The following VAMP4 variants were observed in gnomAD, a reference collection of about 807,000 sequenced individuals.
VAMP4 encodes vesicle associated membrane protein 4, also known as vesicle-associated membrane protein 4.
In VAMP4, 19 loss-of-function variants were observed where a neutral mutation model predicts 23.5. That is an observed-to-expected ratio of 0.81 (90% CI 0.56 to 1.19). VAMP4 has a LOEUF of 1.19. Among genes scored for constraint, VAMP4 ranks in the 50% most tolerant of loss-of-function variants. The pLI, the probability that VAMP4 is intolerant of heterozygous loss-of-function variation, is 0.00. For synonymous variants in VAMP4, 31 were observed against 51.0 expected, an observed-to-expected ratio of 0.61 and a Z score of 1.67; for missense variants, 145 against 168.6, an observed-to-expected ratio of 0.86 and a Z score of 0.78.
intron 4 of VAMP4, among the ~76,000 whole-genome samples, chr1:171,713,466 G>A (rs1360605606): frequency 6.6e-6 from 1 of 152,082 alleles, no homozygotes; most frequent in Non-Finnish European, 1.5e-5. Context: ...CGCATTCAGG[G>A]TGGTATGGCC....
chr1:171,709,858 T>C, intron 5 of VAMP4, 114 bp from the exon 6 acceptor site: 1 of 806,318 alleles, frequency 1.2e-6, no homozygotes, highest in Admixed American at 2.1e-5. Context: ...TATTCCCTTT[T>C]AAGCATGAAA....
rs547204138 is a variant in VAMP4 at position 171,742,023 on chromosome 1, A to C, written c.-163T>G. 6.6e-6 allele frequency: 1 copy of C among 151,752 alleles called. No individual in the cohort carries two copies. Among genetic ancestry groups the C allele is most frequent in the Non-Finnish European group, 1.5e-5 (1 of 67,890 alleles). 9.4% of individuals were successfully genotyped at this position (151,752 alleles called of 1,614,324 possible). A position where few individuals can be genotyped will look rare whatever the true frequency, so the allele number is the denominator to read the frequency against. The stretch of plus-strand genomic sequence containing the variant: ...TGGGAGGGGGAGACAGTTGGTGCGG[A>C]CCCGGCGTCGGCCGCAGCGCCGCAG... On this transcript the variant is annotated 5_prime_UTR_variant, in exon 1 of 8. Transcript: ENST00000236192.
chr1:171,723,353 C>T (rs563235103), intron 3 of VAMP4, among the ~76,000 whole-genome samples: 10 of 152,224 alleles, frequency 6.6e-5, no homozygotes, highest in South Asian at 6.2e-4. Context: ...GGAATTTCCT[C>T]GTTCTAATAG....
intron 3 of VAMP4, among the ~76,000 whole-genome samples, chr1:171,722,014 G>C (rs6656003): frequency 0.17 from 26,217 of 152,084 alleles, 2,355 homozygotes; most frequent in Middle Eastern, 0.24. Context: ...ATACTACAAG[G>C]CTACAGTAAC....
intron 6 of VAMP4, among the ~76,000 whole-genome samples, chr1:171,709,374 A>G (rs1277760347): frequency 1.3e-5 from 2 of 152,168 alleles, no homozygotes; most frequent in African/African-American, 2.4e-5. Context: ...GAAAAAATGT[A>G]TATTTGTTTT....
chr1:171,732,721 C>T (rs1425256207), intron 2 of VAMP4, among the ~76,000 whole-genome samples: 1 of 152,014 alleles, frequency 6.6e-6, no homozygotes, highest in Non-Finnish European at 1.5e-5. Flanking sequence ...TATGAAATCA[C>T]AAAGATTGAA....
intron 6 of VAMP4, among the ~76,000 whole-genome samples, chr1:171,707,105 G>A (rs1219836885): frequency 6.6e-6 from 1 of 152,100 alleles, no homozygotes; most frequent in East Asian, 1.9e-4. Context: ...TGGCAGTATT[G>A]TATTCATGCA....
intron 2 of VAMP4, among the ~76,000 whole-genome samples, chr1:171,736,217 G>A (rs749768409): frequency 3.5e-4 from 53 of 152,168 alleles, no homozygotes; most frequent in Non-Finnish European, 4.4e-4. Flanking sequence ...AATCTTCAGT[G>A]TATGGAATTC....
At chr1:171,706,225 T>G (rs1654645736) in intron 7 of VAMP4, 142 bp downstream of exon 7, 8 of 633,048 alleles carry the variant, frequency 1.3e-5, no homozygotes, top group African/African-American at 1.9e-5. Flanking sequence ...GATCAATAGA[T>G]TCTAAGAGCT....
chr1:171,709,562 C>T, intron 6 of VAMP4, 103 bp downstream of exon 6: 2 of 1,016,556 alleles, frequency 2.0e-6, no homozygotes, highest in Non-Finnish European at 3.1e-6. Context: ...GTTATAGGCC[C>T]TGTTCTCACA....
chr1:171,728,221 T>C (rs531921441), intron 3 of VAMP4, among the ~76,000 whole-genome samples: 8 of 152,344 alleles, frequency 5.3e-5, no homozygotes, highest in African/African-American at 1.9e-4. Flanking sequence ...TTGTCCTGCA[T>C]ATCCACATTG....
At chr1:171,738,791 G>C (rs1046801997) in intron 1 of VAMP4, among the ~76,000 whole-genome samples, 5 of 152,238 alleles carry the variant, frequency 3.3e-5, no homozygotes, top group African/African-American at 1.2e-4. Flanking sequence ...ACAATTTAAA[G>C]TTGGAGTCAG....
Position 171,725,558 on chromosome 1 carries a change from A to T in VAMP4, c.113+2966T>A, listed in dbSNP as rs78350841. Among the ~76,000 whole-genome samples the T allele has an allele frequency of 6.5e-3, 992 of 152,332 alleles. 13 individuals are homozygous for T. The highest frequency in any genetic ancestry group is 0.023 in the African/African-American group (949 of 41,578). On this transcript the variant is annotated intron_variant, in intron 3 of 7. Transcript: ENST00000236192. ...TAGGCAATTCACTTTGTGACTCTATAGCAATCTTGTCACCCATAGAAAATT... is the reference window on the plus strand; with the variant it reads ...TAGGCAATTCACTTTGTGACTCTATTGCAATCTTGTCACCCATAGAAAATT...
intron 7 of VAMP4, among the ~76,000 whole-genome samples, chr1:171,705,717 A>G (rs950258102): frequency 5.3e-5 from 8 of 152,112 alleles, no homozygotes; most frequent in African/African-American, 1.9e-4. Flanking sequence ...GCATAATATA[A>G]TTTTTCAAAT....
At chr1:171,726,840 T>G (rs1314487764) in intron 3 of VAMP4, among the ~76,000 whole-genome samples, 1 of 150,770 alleles carries the variant, frequency 6.6e-6, no homozygotes, top group Non-Finnish European at 1.5e-5. Flanking sequence ...AATTTTAATC[T>G]TCAAAAGATA....
chr1:171,733,670 GATA>G (rs1274302467), intron 2 of VAMP4, among the ~76,000 whole-genome samples: 1 of 152,178 alleles, frequency 6.6e-6, no homozygotes, highest in African/African-American at 2.4e-5. Context: ...CCACTAGGCA[GATA>G]ATATTAAGTG....
chr1:171,709,841 G>T, intron 5 of VAMP4, 97 bp from the exon 6 acceptor site: 1 of 954,952 alleles, frequency 1.0e-6, no homozygotes, highest in Admixed American at 1.9e-5. Context: ...TTCTACTTCT[G>T]CAAATTTATT....
chr1:171,741,735 T>G (rs1375940807), intron 1 of VAMP4, among the ~76,000 whole-genome samples, 175 bp downstream of exon 1: 2 of 152,054 alleles, frequency 1.3e-5, no homozygotes, highest in Non-Finnish European at 2.9e-5. Flanking sequence ...TCGTCTTCCT[T>G]CCTCACGGCA....
intron 3 of VAMP4, among the ~76,000 whole-genome samples, chr1:171,723,909 T>G (rs1370449959): frequency 6.6e-6 from 1 of 152,218 alleles, no homozygotes; most frequent in Non-Finnish European, 1.5e-5. Context: ...TAAATGTCCA[T>G]GAAATCTTCA....
Sources: gnomAD v4.1 joint callset for allele counts (sites outside exome capture counted in the v4.1 genomes callset) on GRCh38, gnomAD v4.1.1 for gene constraint, MANE v1.5 for transcripts, NCBI Gene and HGNC (gene_info 2026-07-23, HGNC 2026-07-21) for gene names.